ENKUR: variants seen among roughly 807,000 people sequenced by gnomAD.
The protein encoded by ENKUR is enkurin, TRPC channel interacting protein.
A neutral mutation model predicts 27.6 loss-of-function variants in ENKUR; 19 were observed. The observed-to-expected ratio is 0.69, with a 90% CI of 0.48 to 1.01. The LOEUF (loss-of-function observed/expected upper bound fraction) is 1.01, where lower values mean the gene tolerates loss of function less well. ENKUR is among the 50% of genes least tolerant of loss of function. The probability of loss-of-function intolerance (pLI) is 0.00; values close to 1 mark genes in which losing one functional copy is unlikely to be tolerated. For missense variants in ENKUR, 312 were observed against 310.5 expected, an observed-to-expected ratio of 1.00 and a Z score of -0.04; for synonymous variants, 117 against 96.9, an observed-to-expected ratio of 1.21 and a Z score of -1.22.
intron 2 of ENKUR, chr10:25,024,402 AAAT>A: frequency 3.7e-6 from 6 of 1,613,920 alleles, no homozygotes; most frequent in Non-Finnish European, 5.1e-6. Flanking sequence ...TTAGTCGTCT[AAAT>A]AAGAATGATA....
intron 1 of ENKUR, among the ~76,000 whole-genome samples, chr10:25,061,795 C>T (rs937376149): frequency 2.0e-5 from 3 of 152,216 alleles, no homozygotes; most frequent in Non-Finnish European, 4.4e-5. Context: ...TCTCTCCCTT[C>T]ATCTCTGTCT....
intron 2 of ENKUR, among the ~76,000 whole-genome samples, chr10:25,047,991 A>G (rs1413928286): frequency 6.6e-6 from 1 of 152,150 alleles, no homozygotes; most frequent in African/African-American, 2.4e-5. Context: ...CCTCACATAC[A>G]GTTTCTGAAG....
rs143522250 is a variant in ENKUR, at chr10:25,054,891, T to A, written c.37+6221A>T. On this transcript the variant is annotated intron_variant, in intron 2 of 5. Transcript: ENST00000615958. ...GGGTCTTGCCATATTGCCAAACAGA[T>A]CTCGAACTCCTGAGCTCAAGAGATC... Among the ~76,000 whole-genome samples, 21 of 152,120 alleles carry A rather than the reference T, an allele frequency of 1.4e-4. No individual in the cohort carries two copies. In the East Asian group the frequency reaches 3.7e-3, roughly 27 times the overall value.
chr10:25,053,976 G>A (rs992423371), intron 2 of ENKUR, among the ~76,000 whole-genome samples: 2 of 152,080 alleles, frequency 1.3e-5, no homozygotes, highest in African/African-American at 4.8e-5. Flanking sequence ...TCCTGACATC[G>A]GTGTTTATCA....
At chr10:25,031,971 G>A (rs1850940000) in intron 2 of ENKUR, among the ~76,000 whole-genome samples, 1 of 152,050 alleles carries the variant, frequency 6.6e-6, no homozygotes, top group African/African-American at 2.4e-5. Context: ...ACTGTGGCCA[G>A]CTAAGGAATT....
chr10:24,988,726 A>T (rs1485141897), intron 4 of ENKUR, among the ~76,000 whole-genome samples: 1 of 72,412 alleles, frequency 1.4e-5, no homozygotes, highest in Non-Finnish European at 2.6e-5. Context: ...ATATATATAT[A>T]TTCCTCATTT....
chr10:24,995,651 T>C lies in ENKUR; in HGVS notation c.442A>G (p.Lys148Glu). 1 of 1,608,404 alleles carries C rather than the reference T, an allele frequency of 6.2e-7. No individual in the cohort carries two copies. Reference sequence around the variant, plus strand: ...TTAATATACCACAAGGCTACCTTTTTATTGATGTACTTTGGAACTAGTCCT... The same window carrying C: ...TTAATATACCACAAGGCTACCTTTTCATTGATGTACTTTGGAACTAGTCCT... ...PSGLVPKYIN[K>E]KDYGVTPEYI... Residue 148 changes from lysine to glutamate, a missense_variant, in exon 3 of 6, where the codon AAA (lysine) becomes GAA (glutamate). Lys to Glu is a moderately conservative substitution (Grantham distance 56, BLOSUM62 1). Coordinates refer to ENST00000331161, the MANE Select transcript of ENKUR (RefSeq NM_145010.4).
At chr10:24,997,371 G>A (rs1850086467) in intron 2 of ENKUR, among the ~76,000 whole-genome samples, 1 of 149,608 alleles carries the variant, frequency 6.7e-6, no homozygotes. Context: ...GCAAAACCCT[G>A]CATTCCTTTT....
upstream of ENKUR, chr10:25,016,673 G>C (rs1356238429): frequency 6.6e-6 from 1 of 152,366 alleles, no homozygotes; most frequent in Non-Finnish European, 1.5e-5. Flanking sequence ...GCGGGGGCGG[G>C]ACCGGGGAGC....
At position 24,990,489 on chromosome 10, in the gene ENKUR, C is replaced by T. The variant is rs367769430; in HGVS notation, c.568G>A (p.Asp190Asn). Residue 190 changes from aspartate to asparagine, a missense_variant, in exon 4 of 6, where the codon GAT (aspartate) becomes AAT (asparagine). Physicochemically the swap from Asp to Asn is conservative, Grantham distance 23 (BLOSUM62 1). Coordinates refer to ENST00000331161, the MANE Select transcript of ENKUR (RefSeq NM_145010.4). The stretch of plus-strand genomic sequence containing the variant: ...TGCAAAACTGCCTCCCTTTCTTCAT[C>T]GGAGAGCCTTTTCATAGCTGCTTTC... ...LKKAAMKRLSDEEREAVLQGL... is the reference protein window; with the variant it reads ...LKKAAMKRLSNEEREAVLQGL... The T allele has an allele frequency of 5.5e-5, 89 of 1,613,212 alleles. No homozygotes were observed. Among genetic ancestry groups the T allele is most frequent in the Admixed American group, 1.5e-4 (9 of 59,792 alleles).
intron 2 of ENKUR, among the ~76,000 whole-genome samples, chr10:25,034,902 TA>T (rs1385534281): frequency 6.6e-6 from 1 of 152,200 alleles, no homozygotes; most frequent in Non-Finnish European, 1.5e-5. Flanking sequence ...AACAATATTT[TA>T]CTGGCATCAG....
intron 1 of ENKUR, among the ~76,000 whole-genome samples, chr10:25,006,907 A>C (rs111226953): frequency 1.6e-4 from 24 of 152,342 alleles, no homozygotes; most frequent in African/African-American, 3.6e-4. Flanking sequence ...CAATGGGATA[A>C]TACTACTTAT....
chr10:25,030,857 G>A (rs972743428), intron 2 of ENKUR, among the ~76,000 whole-genome samples: 2 of 152,148 alleles, frequency 1.3e-5, no homozygotes, highest in Non-Finnish European at 2.9e-5. Context: ...GGTGACTCAT[G>A]CCTGTAATCC....
At chr10:25,015,231 T>C (rs1371936035) in intron 1 of ENKUR, among the ~76,000 whole-genome samples, 1 of 152,232 alleles carries the variant, frequency 6.6e-6, no homozygotes, top group Non-Finnish European at 1.5e-5. Context: ...CTAAGACCTA[T>C]GTAAAATTTC....
chr10:25,041,785 A>C (rs1851067116), intron 2 of ENKUR, among the ~76,000 whole-genome samples: 1 of 151,900 alleles, frequency 6.6e-6, no homozygotes, highest in Non-Finnish European at 1.5e-5. Context: ...GTCTGCTGAG[A>C]TTTTCCATTT....
upstream of ENKUR, among the ~76,000 whole-genome samples, chr10:25,017,998 A>C (rs1210878767): frequency 6.6e-6 from 1 of 152,236 alleles, no homozygotes; most frequent in Non-Finnish European, 1.5e-5. Context: ...TCAGTTCCTG[A>C]AATAGCAAGT....
At chr10:24,986,621 G>T (rs1849785921) in intron 4 of ENKUR, among the ~76,000 whole-genome samples, 1 of 152,084 alleles carries the variant, frequency 6.6e-6, no homozygotes, top group Non-Finnish European at 1.5e-5. Context: ...TAGCTAGTTG[G>T]GTGATGTTTC....
At chr10:25,034,907 G>A (rs1172330770) in intron 2 of ENKUR, among the ~76,000 whole-genome samples, 1 of 152,106 alleles carries the variant, frequency 6.6e-6, no homozygotes, top group Non-Finnish European at 1.5e-5. Context: ...TATTTTACTG[G>A]CATCAGAAAG....
At chr10:25,011,720 A>C (rs1394013426) in intron 1 of ENKUR, among the ~76,000 whole-genome samples, 1 of 152,272 alleles carries the variant, frequency 6.6e-6, no homozygotes, top group Non-Finnish European at 1.5e-5. Flanking sequence ...AACAAAAGCC[A>C]AAATTGACAA....
Sources: allele counts gnomAD v4.1 joint callset (sites outside exome capture counted in the v4.1 genomes callset), GRCh38; gene constraint gnomAD v4.1.1; transcripts MANE v1.5; gene names NCBI Gene and HGNC (gene_info 2026-07-23, HGNC 2026-07-21).